UPP1: variants seen among roughly 807,000 people sequenced by gnomAD.
UPP1 encodes UPase 1.
Under a neutral mutation model 29.6 loss-of-function variants are expected in UPP1, and 25 were observed. That is an observed-to-expected ratio of 0.85 (90% CI 0.62 to 1.18). UPP1 has a LOEUF of 1.18. Among genes scored for constraint, UPP1 ranks in the 50% most tolerant of loss-of-function variants. The probability of loss-of-function intolerance (pLI) is 0.00; values close to 1 mark genes in which losing one functional copy is unlikely to be tolerated. For missense variants in UPP1, 368 were observed against 410.4 expected (o/e 0.90, Z 0.89); for synonymous variants, 165 against 159.8 (o/e 1.03, Z -0.25).
intron 1 of UPP1, 68 bp downstream of exon 1, chr7:48,089,486 G>C (rs546508812): frequency 6.5e-6 from 1 of 152,678 alleles, no homozygotes; most frequent in South Asian, 2.1e-4. Flanking sequence ...CCCTGCCTTG[G>C]CCACGTGCCC....
chr7:48,092,029 C>CAGCA (rs1791867577), intron 2 of UPP1, among the ~76,000 whole-genome samples: 2 of 152,226 alleles, frequency 1.3e-5, no homozygotes, highest in South Asian at 4.1e-4. Flanking sequence ...GGGGGCCACT[C>CAGCA]AGCAGTCTCT....
chr7:48,095,458 C>T (rs1006932771), intron 3 of UPP1, among the ~76,000 whole-genome samples: 1 of 152,082 alleles, frequency 6.6e-6, no homozygotes, highest in African/African-American at 2.4e-5. Context: ...GACCTCTGGC[C>T]CCCCTTGCTC....
intron 8 of UPP1, among the ~76,000 whole-genome samples, 177 bp from the exon 9 acceptor site, chr7:48,108,041 G>A (rs2128819176): frequency 6.6e-6 from 1 of 152,318 alleles, no homozygotes; most frequent in Non-Finnish European, 1.5e-5. Flanking sequence ...CCGAGCCCCT[G>A]GACCAGCGCC....
At chr7:48,102,010 G>A (rs1792453209) in intron 5 of UPP1, 28 bp downstream of exon 5, 1 of 1,604,504 alleles carries the variant, frequency 6.2e-7, no homozygotes, top group Admixed American at 1.7e-5. Context: ...CTTGTGCTCA[G>A]TCTCTAGGCT....
intron 4 of UPP1, among the ~76,000 whole-genome samples, chr7:48,100,124 G>A (rs1049222695): frequency 2.0e-5 from 3 of 152,212 alleles, no homozygotes; most frequent in Non-Finnish European, 2.9e-5. Context: ...AACCTAGGTG[G>A]TAGAGCCTAC....
intron 6 of UPP1, 54 bp from the exon 7 acceptor site, chr7:48,106,819 T>C: frequency 6.3e-7 from 1 of 1,582,736 alleles, no homozygotes. Flanking sequence ...TGCCCTGCTT[T>C]AATTTTATTT....
intron 4 of UPP1, among the ~76,000 whole-genome samples, chr7:48,100,608 T>G (rs1042510133): frequency 6.6e-5 from 10 of 152,346 alleles, no homozygotes; most frequent in South Asian, 4.1e-4. Flanking sequence ...ACGTAGGACT[T>G]TGAAATGTCT....
intron 1 of UPP1, among the ~76,000 whole-genome samples, chr7:48,089,877 C>G (rs910546939): frequency 6.6e-6 from 1 of 152,154 alleles, no homozygotes; most frequent in South Asian, 2.1e-4. Context: ...CTGGGAGCCC[C>G]AGATAAGAGG....
intron 2 of UPP1, among the ~76,000 whole-genome samples, chr7:48,092,832 A>G (rs1791913107): frequency 6.6e-6 from 1 of 151,748 alleles, no homozygotes; most frequent in Admixed American, 6.6e-5. Context: ...CCTCCCGAGT[A>G]GCTGGGATTC....
At chr7:48,107,540 T>G (rs1792832231) in intron 8 of UPP1, 33 bp downstream of exon 8, 1 of 1,574,328 alleles carries the variant, frequency 6.4e-7, no homozygotes. Flanking sequence ...CGGCGTCCCC[T>G]CCTCCCTTCA....
chr7:48,100,481 A>G (rs1373850737), intron 4 of UPP1, among the ~76,000 whole-genome samples: 1 of 152,230 alleles, frequency 6.6e-6, no homozygotes, highest in Non-Finnish European at 1.5e-5. Context: ...TTTGTAATAT[A>G]AGATACATAT....
intron 2 of UPP1, among the ~76,000 whole-genome samples, chr7:48,094,012 T>C (rs1490305193): frequency 6.6e-6 from 1 of 152,024 alleles, no homozygotes; most frequent in East Asian, 1.9e-4. Context: ...ATACAAAAAT[T>C]AGCTGAACAT....
intron 3 of UPP1, among the ~76,000 whole-genome samples, chr7:48,097,202 A>G (rs1792169740): frequency 6.6e-6 from 1 of 152,110 alleles, no homozygotes; most frequent in South Asian, 2.1e-4. Context: ...CTACTGGTTC[A>G]TTATGGTACA....
chr7:48,104,228 CAACA>C (rs767860143), intron 6 of UPP1, among the ~76,000 whole-genome samples: 6 of 152,006 alleles, frequency 3.9e-5, no homozygotes, highest in African/African-American at 7.2e-5. Context: ...ACAACAACAA[CAACA>C]AACAAACAAA....
chr7:48,092,337 A>C (rs993314035), intron 2 of UPP1, among the ~76,000 whole-genome samples: 2 of 152,132 alleles, frequency 1.3e-5, no homozygotes, highest in Non-Finnish European at 2.9e-5. Context: ...TGGATCCTGA[A>C]GAAGGCCTGA....
At chr7:48,102,313 AGCCTCAAAGTACCAG>A (rs1206055275) in intron 5 of UPP1, among the ~76,000 whole-genome samples, 1 of 152,156 alleles carries the variant, frequency 6.6e-6, no homozygotes, top group Non-Finnish European at 1.5e-5. Flanking sequence ...ATGGAAGGAG[AGCCTCAAAGTACCAG>A]GCCTCTAATC....
At chr7:48,107,153 C>G in intron 7 of UPP1, 71 bp downstream of exon 7, 1 of 1,559,548 alleles carries the variant, frequency 6.4e-7, no homozygotes, top group Non-Finnish European at 8.8e-7. Flanking sequence ...CCTGCCTTCT[C>G]GCTGTGGACT....
chr7:48,091,649 A>G (rs1743273292), intron 2 of UPP1, among the ~76,000 whole-genome samples: 1 of 152,236 alleles, frequency 6.6e-6, no homozygotes, highest in African/African-American at 2.4e-5. Flanking sequence ...GACATCTGCA[A>G]CTTTCTCTGC....
At chr7:48,089,654 G>T in intron 1 of UPP1, 1 of 152,382 alleles carries the variant, frequency 6.6e-6, no homozygotes, top group South Asian at 2.1e-4. Flanking sequence ...TGGGGGAAGC[G>T]CGCGGGCGGG....
Sources: allele counts gnomAD v4.1 joint callset (sites outside exome capture counted in the v4.1 genomes callset), GRCh38; gene constraint gnomAD v4.1.1; transcripts MANE v1.5; gene names NCBI Gene and HGNC (gene_info 2026-07-23, HGNC 2026-07-21).